Variants in FHIT observed in about 807,000 individuals in gnomAD.
The protein encoded by FHIT is fragile histidine triad diadenosine triphosphatase, also known as bis(5'-adenosyl)-triphosphatase.
Under a neutral mutation model 17.9 loss-of-function variants are expected in FHIT, and 19 were observed. The ratio of observed to expected loss-of-function variants is 1.06; its 90% CI spans 0.74 to 1.56. FHIT has a LOEUF of 1.56. Ranked by LOEUF, FHIT falls within the 40% of genes most tolerant of loss-of-function variation. The pLI, the probability that FHIT is intolerant of heterozygous loss-of-function variation, is 0.00. For synonymous variants in FHIT, 81 were observed against 69.7 expected (o/e 1.16, Z -0.81); for missense variants, 248 against 189.2 (o/e 1.31, Z -1.82).
chr3:60,075,107 T>G (rs1169977680), intron 5 of FHIT, among the ~76,000 whole-genome samples: 16 of 152,112 alleles, frequency 1.1e-4, no homozygotes, highest in Admixed American at 1.0e-3. Context: ...GAACCAAAGT[T>G]CCTATGACCA....
intron 4 of FHIT, among the ~76,000 whole-genome samples, chr3:60,815,123 T>C (rs1378948065): frequency 2.6e-5 from 4 of 152,100 alleles, no homozygotes; most frequent in African/African-American, 9.7e-5. Context: ...TTTAAGTTCC[T>C]TATAGACTCC....
intron 5 of FHIT, among the ~76,000 whole-genome samples, chr3:60,335,627 G>C (rs545627279): frequency 7.2e-5 from 11 of 152,126 alleles, no homozygotes; most frequent in Admixed American, 2.0e-4. Flanking sequence ...CCCAAATCGG[G>C]TGCTGTGTTA....
chr3:61,010,911 G>C (rs980611616), intron 3 of FHIT, among the ~76,000 whole-genome samples: 12 of 152,128 alleles, frequency 7.9e-5, no homozygotes, highest in African/African-American at 2.9e-4. Context: ...TGAACTCTCA[G>C]TATATGTAGG....
intron 4 of FHIT, among the ~76,000 whole-genome samples, chr3:60,574,842 C>A (rs1295771216): frequency 6.6e-6 from 1 of 151,846 alleles, no homozygotes; most frequent in African/African-American, 2.4e-5. Flanking sequence ...CCCAGACTTC[C>A]CTCCTCCTTC....
chr3:60,568,761 G>A (rs2037233402), intron 4 of FHIT, among the ~76,000 whole-genome samples: 1 of 151,972 alleles, frequency 6.6e-6, no homozygotes, highest in Non-Finnish European at 1.5e-5. Flanking sequence ...TTCCCTTTCA[G>A]CTCTTAGTCA....
chr3:61,250,299 T>C (rs1560111928), intron 1 of FHIT, among the ~76,000 whole-genome samples: 1 of 152,294 alleles, frequency 6.6e-6, no homozygotes, highest in East Asian at 1.9e-4. Context: ...AGATCCGGCT[T>C]AACATCAGGT....
chr3:60,687,066 G>T (rs550610942), intron 4 of FHIT, among the ~76,000 whole-genome samples: 2 of 152,294 alleles, frequency 1.3e-5, no homozygotes, highest in African/African-American at 2.4e-5. Context: ...CTCATTTGTG[G>T]CAGTGAAAGT....
At chr3:60,424,793 C>T (rs1702604034) in intron 5 of FHIT, among the ~76,000 whole-genome samples, 1 of 152,068 alleles carries the variant, frequency 6.6e-6, no homozygotes. Context: ...AAAAAAAATG[C>T]TATAAAATCC....
chr3:60,163,670 C>T (rs891944450), intron 5 of FHIT, among the ~76,000 whole-genome samples: 1 of 152,146 alleles, frequency 6.6e-6, no homozygotes, highest in Non-Finnish European at 1.5e-5. Context: ...AGTTTCTCAC[C>T]CTCAACACTG....
At chr3:61,038,668 C>T (rs1461856755) in intron 3 of FHIT, among the ~76,000 whole-genome samples, 1 of 151,956 alleles carries the variant, frequency 6.6e-6, no homozygotes, top group Non-Finnish European at 1.5e-5. Context: ...TGAAATACAT[C>T]AGAGTAAAGT....
chr3:60,165,733 G>A (rs1315263374), intron 5 of FHIT, among the ~76,000 whole-genome samples: 1 of 152,130 alleles, frequency 6.6e-6, no homozygotes, highest in South Asian at 2.1e-4. Flanking sequence ...CTCTCAAGGA[G>A]TAAATATATA....
intron 5 of FHIT, among the ~76,000 whole-genome samples, chr3:60,283,376 A>G (rs1373826740): frequency 6.6e-6 from 1 of 152,096 alleles, no homozygotes; most frequent in East Asian, 1.9e-4. Context: ...CATATCATTA[A>G]AAATATGTAA....
intron 1 of FHIT, among the ~76,000 whole-genome samples, chr3:61,205,377 G>C (rs1448139752): frequency 6.6e-6 from 1 of 152,096 alleles, no homozygotes; most frequent in African/African-American, 2.4e-5. Flanking sequence ...TCTAGTTCTA[G>C]ATCCCTGAGG....
intron 4 of FHIT, among the ~76,000 whole-genome samples, chr3:60,572,491 T>C (rs534512360): frequency 3.1e-4 from 47 of 151,172 alleles, no homozygotes; most frequent in Admixed American, 2.8e-3. Flanking sequence ...TGGCTAAAAA[T>C]CCACAGCCAA....
chr3:60,326,430 T>C (rs894765167), intron 5 of FHIT, among the ~76,000 whole-genome samples: 3 of 152,022 alleles, frequency 2.0e-5, no homozygotes, highest in Non-Finnish European at 2.9e-5. Context: ...TTCACATTCC[T>C]ATGAGAATCT....
intron 5 of FHIT, among the ~76,000 whole-genome samples, chr3:60,478,363 A>G (rs1263897747): frequency 6.6e-6 from 1 of 152,232 alleles, no homozygotes; most frequent in East Asian, 1.9e-4. Context: ...CCTAGCCAAC[A>G]AATTCAAGGG....
intron 5 of FHIT, among the ~76,000 whole-genome samples, chr3:60,507,589 G>A (rs527408375): frequency 8.5e-5 from 13 of 152,186 alleles, no homozygotes; most frequent in African/African-American, 2.9e-4. Context: ...GTGTCATGGC[G>A]GTTTGTTGTA....
chr3:60,362,284 C>T (rs1392383903), intron 5 of FHIT, among the ~76,000 whole-genome samples: 1 of 152,114 alleles, frequency 6.6e-6, no homozygotes, highest in African/African-American at 2.4e-5. Context: ...TCACATTATA[C>T]ATTTTAGATC....
intron 3 of FHIT, among the ~76,000 whole-genome samples, chr3:60,827,019 T>TG (rs1553741250): frequency 6.6e-6 from 1 of 150,950 alleles, no homozygotes; most frequent in African/African-American, 2.4e-5. Flanking sequence ...AAAACTTTGC[T>TG]TAAAAAAAAA....
Sources: allele counts gnomAD v4.1 joint callset (sites outside exome capture counted in the v4.1 genomes callset), GRCh38; gene constraint gnomAD v4.1.1; transcripts MANE v1.5; gene names NCBI Gene and HGNC (gene_info 2026-07-23, HGNC 2026-07-21).